The following COPG2 variants were observed in gnomAD, a reference collection of about 807,000 sequenced individuals.
The protein encoded by COPG2 is coatomer subunit gamma-2.
A neutral mutation model predicts 46.3 loss-of-function variants in COPG2; 37 were observed. The observed-to-expected ratio is 0.80, with a 90% CI of 0.61 to 1.05. COPG2 has a LOEUF of 1.05. Ranked by LOEUF, COPG2 falls within the 50% of genes least tolerant of loss-of-function variation. COPG2 has a pLI of 0.00. For synonymous variants in COPG2, 159 were observed against 129.7 expected (o/e 1.23, Z -1.53); for missense variants, 427 against 387.8 (o/e 1.10, Z -0.85).
At position 130,603,973 on chromosome 7, in the gene COPG2, G is replaced by GT. The variant is rs1584570769; in HGVS notation, c.737+6979dup. The GT allele has an allele frequency of 5.6e-5, 23 of 414,082 alleles. 1 individual carries two copies. The East Asian group carries it at 1.7e-3, about 30-fold the overall frequency. The allele number at this position is 414,082 out of a possible 1,614,324, so 25.7% of individuals were successfully genotyped here. On this transcript the variant is annotated intron_variant, in intron 9 of 23. Transcript: ENST00000425248. ...ATATATATTGTATTCTTACAATAAAGTAAGCTAGAGAAAAGAAAATATTAA... is the reference window on the plus strand; with the variant it reads ...ATATATATTGTATTCTTACAATAAAGTTAAGCTAGAGAAAAGAAAATATTAA...
intron 9 of COPG2, among the ~76,000 whole-genome samples, chr7:130,573,106 A>C (rs1793936642): frequency 6.6e-6 from 1 of 151,956 alleles, no homozygotes; most frequent in African/African-American, 2.4e-5. Flanking sequence ...TAGATAACTT[A>C]GATGAAATGG....
chr7:130,547,342 C>T (rs1793461265), intron 20 of COPG2: 1 of 218,292 alleles, frequency 4.6e-6, no homozygotes. Context: ...TCACAGGAGA[C>T]CAGGTATATG....
intron 9 of COPG2, among the ~76,000 whole-genome samples, chr7:130,574,112 G>GA (rs1793962978): frequency 6.6e-6 from 1 of 152,056 alleles, no homozygotes; most frequent in Non-Finnish European, 1.5e-5. Flanking sequence ...ATCAACTAAT[G>GA]AAAAAACCAA....
intron 20 of COPG2, among the ~76,000 whole-genome samples, chr7:130,521,762 A>C (rs1799725941): frequency 1.3e-5 from 2 of 152,236 alleles, no homozygotes; most frequent in South Asian, 2.1e-4. Flanking sequence ...CTTCACAATA[A>C]GGAAACCCAG....
At chr7:130,647,011 GTATATATATATA>G (rs782210531) in intron 5 of COPG2, among the ~76,000 whole-genome samples, 889 of 9,744 alleles carry the variant, frequency 0.091, 18 homozygotes, top group African/African-American at 0.29. Context: ...ATATATATAT[GTATATATATATA>G]TGTGTATATA....
At chr7:130,562,540 T>C (rs1264179915) in intron 11 of COPG2, among the ~76,000 whole-genome samples, 1 of 152,200 alleles carries the variant, frequency 6.6e-6, no homozygotes, top group African/African-American at 2.4e-5. Context: ...TTATTTAATT[T>C]ATTCTGTGTT....
At chr7:130,563,838 C>T (rs1793759518) in intron 10 of COPG2, among the ~76,000 whole-genome samples, 1 of 149,378 alleles carries the variant, frequency 6.7e-6, no homozygotes, top group Non-Finnish European at 1.5e-5. Flanking sequence ...ACAAAGTTTG[C>T]TCTTTTTAAA....
chr7:130,540,819 G>A (rs1258120443), intron 20 of COPG2, among the ~76,000 whole-genome samples: 10 of 152,232 alleles, frequency 6.6e-5, no homozygotes, highest in Admixed American at 4.6e-4. Context: ...TGAATTTCAC[G>A]TGGAGGGAGG....
chr7:130,660,688 G>C (rs1284258583), intron 4 of COPG2, among the ~76,000 whole-genome samples: 1 of 152,052 alleles, frequency 6.6e-6, no homozygotes, highest in African/African-American at 2.4e-5. Context: ...CTAAACCTCT[G>C]ACCTCTTCAT....
intron 6 of COPG2, among the ~76,000 whole-genome samples, chr7:130,616,718 A>T (rs1554452887): frequency 1.3e-5 from 2 of 152,240 alleles, no homozygotes; most frequent in African/African-American, 4.8e-5. Context: ...TTTTAAGATA[A>T]ATTTGAATGG....
intron 20 of COPG2, among the ~76,000 whole-genome samples, chr7:130,537,887 G>T (rs1799896850): frequency 1.3e-5 from 2 of 152,192 alleles, no homozygotes; most frequent in Non-Finnish European, 2.9e-5. Context: ...AGAGGTGTTG[G>T]CACCTTGGAA....
intron 9 of COPG2, among the ~76,000 whole-genome samples, chr7:130,575,962 A>C (rs1554446173): frequency 6.6e-6 from 1 of 152,242 alleles, no homozygotes; most frequent in Non-Finnish European, 1.5e-5. Context: ...CAGCAGTTAA[A>C]AGAGACAAAG....
chr7:130,601,638 A>C (rs1190823919), intron 9 of COPG2, among the ~76,000 whole-genome samples: 1 of 152,092 alleles, frequency 6.6e-6, no homozygotes, highest in African/African-American at 2.4e-5. Flanking sequence ...ACACAAGGAG[A>C]GGAACATCAC....
chr7:130,642,897 G>A (rs1324400049), intron 5 of COPG2, among the ~76,000 whole-genome samples: 1 of 151,860 alleles, frequency 6.6e-6, no homozygotes, highest in African/African-American at 2.4e-5. Context: ...GTGGCACACA[G>A]CTGTAATCCC....
intron 1 of COPG2, 46 bp downstream of exon 1, chr7:130,668,574 CGGGCGGGGGAAG>C (rs1796151494): frequency 2.1e-6 from 3 of 1,450,318 alleles, no homozygotes; most frequent in Non-Finnish European, 2.8e-6. Flanking sequence ...CAGGTGGCGG[CGGGCGGGGGAAG>C]GGGCGTCCCG....
At chr7:130,512,597 T>C (rs1488136889) in intron 20 of COPG2, among the ~76,000 whole-genome samples, 1 of 152,072 alleles carries the variant, frequency 6.6e-6, no homozygotes, top group Non-Finnish European at 1.5e-5. Flanking sequence ...CTGGCCAAGA[T>C]GGTGAAACCC....
chr7:130,559,126 C>T (rs1793677349), intron 12 of COPG2, among the ~76,000 whole-genome samples: 1 of 151,930 alleles, frequency 6.6e-6, no homozygotes, highest in Non-Finnish European at 1.5e-5. Flanking sequence ...AATGACAAAC[C>T]GGGAGAAGAT....
rs1182413999 is a variant in COPG2, at chr7:130,668,645, C to T, written c.24G>A (p.Lys8=). Residue 8 remains lysine (K), a synonymous_variant, in exon 1 of 24, where the codon AAG becomes AAA. Coordinates refer to ENST00000425248, the MANE Select transcript of COPG2 (RefSeq NM_012133.6). The part of the protein sequence containing the change: MIKKFDK[K]DEESGSGSNP... ...CCCCGCGCGTACCAGACTCCTCGTC[C>T]TTCTTGTCGAATTTTTTAATCATCT... 1 of 1,542,656 alleles carries T rather than the reference C, an allele frequency of 6.5e-7. No individual in the cohort carries two copies. Among genetic ancestry groups the T allele is most frequent in the South Asian group, 1.2e-5 (1 of 82,384 alleles).
chr7:130,651,642 G>A (rs1196972267), intron 5 of COPG2, among the ~76,000 whole-genome samples: 5 of 150,386 alleles, frequency 3.3e-5, no homozygotes, highest in South Asian at 2.1e-4. Flanking sequence ...TCAGCCTCCC[G>A]AGTAGCTGGG....
Sources: allele counts gnomAD v4.1 joint callset (sites outside exome capture counted in the v4.1 genomes callset), GRCh38; gene constraint gnomAD v4.1.1; transcripts MANE v1.5; gene names NCBI Gene and HGNC (gene_info 2026-07-23, HGNC 2026-07-21).